RASGEF1A: variants seen among roughly 807,000 people sequenced by gnomAD.
RASGEF1A encodes RasGEF domain family member 1A.
Under a neutral mutation model 56.4 loss-of-function variants are expected in RASGEF1A, and 18 were observed. The ratio of observed to expected loss-of-function variants is 0.32; its 90% CI spans 0.22 to 0.47. The LOEUF (loss-of-function observed/expected upper bound fraction) is 0.47, where lower values mean the gene tolerates loss of function less well. RASGEF1A is among the 20% of genes least tolerant of loss of function. The probability of loss-of-function intolerance (pLI) is 1.00; values close to 1 mark genes in which losing one functional copy is unlikely to be tolerated. For missense variants in RASGEF1A, 422 were observed against 627.1 expected (o/e 0.67, Z 3.49); for synonymous variants, 245 against 242.6 (o/e 1.01, Z -0.09).
intron 4 of RASGEF1A, 36 bp from the exon 5 acceptor site, chr10:43,200,924 G>T (rs921013228): frequency 6.3e-7 from 1 of 1,588,890 alleles, no homozygotes; most frequent in Non-Finnish European, 8.6e-7. Context: ...GCCAGCATGG[G>T]CTGGCAGCAA....
chr10:43,248,720 TC>T, intron 1 of RASGEF1A, among the ~76,000 whole-genome samples: 1 of 152,358 alleles, frequency 6.6e-6, no homozygotes, highest in Admixed American at 6.5e-5. Context: ...TTTTTCTTAT[TC>T]ATTTTTCTTT....
intron 1 of RASGEF1A, among the ~76,000 whole-genome samples, chr10:43,214,497 G>C (rs1840108856): frequency 6.6e-6 from 1 of 152,156 alleles, no homozygotes; most frequent in Non-Finnish European, 1.5e-5. Context: ...CTCCCCAAAA[G>C]GGGCTATGGG....
chr10:43,264,665 C>T (rs72783255), intron 1 of RASGEF1A, among the ~76,000 whole-genome samples: 22,421 of 147,644 alleles, frequency 0.15, 1,774 homozygotes, highest in Admixed American at 0.2. Flanking sequence ...AGGGAGGGTC[C>T]GTCAAGGGGC....
intron 1 of RASGEF1A, among the ~76,000 whole-genome samples, chr10:43,221,801 G>A (rs967687868): frequency 3.9e-5 from 6 of 152,224 alleles, no homozygotes; most frequent in African/African-American, 1.2e-4. Context: ...CCACCTGCTG[G>A]GCCCTGTGAC....
intron 2 of RASGEF1A, 54 bp from the exon 3 acceptor site, chr10:43,203,474 G>A (rs1588929522): frequency 1.4e-6 from 2 of 1,468,230 alleles, no homozygotes; most frequent in East Asian, 5.2e-5. Context: ...GGCCCCCGGG[G>A]GCTCACCGCG....
At chr10:43,246,485 A>G (rs72783245) in intron 1 of RASGEF1A, among the ~76,000 whole-genome samples, 2,907 of 152,322 alleles carry the variant, frequency 0.019, 40 homozygotes, top group Middle Eastern at 0.044. Flanking sequence ...AAAGAAGTAC[A>G]AAGTTGGAGG....
At chr10:43,264,357 C>A (rs1441488139) in intron 1 of RASGEF1A, among the ~76,000 whole-genome samples, 1 of 151,160 alleles carries the variant, frequency 6.6e-6, no homozygotes, top group Non-Finnish European at 1.5e-5. Context: ...GCAGGTCAGG[C>A]TGACAGCCAT....
intron 2 of RASGEF1A, 46 bp downstream of exon 2, chr10:43,205,873 C>A: frequency 2.0e-6 from 3 of 1,491,508 alleles, no homozygotes; most frequent in Non-Finnish European, 2.8e-6. Context: ...CTCCTGGAGC[C>A]CAGGTCACCC....
intron 1 of RASGEF1A, among the ~76,000 whole-genome samples, chr10:43,259,363 GTGCAGCAGTCATCCACACT>G (rs1001836900): frequency 1.3e-4 from 20 of 152,304 alleles, no homozygotes; most frequent in African/African-American, 4.8e-4. Context: ...CCCCAGGGCT[GTGCAGCAGTCATCCACACT>G]TGCAGCCTTC....
intron 1 of RASGEF1A, among the ~76,000 whole-genome samples, chr10:43,226,504 G>A (rs918208374): frequency 6.6e-6 from 1 of 152,068 alleles, no homozygotes; most frequent in East Asian, 1.9e-4. Flanking sequence ...ATCCTCCTCC[G>A]AGATCCACGC....
chr10:43,265,846 G>A (rs1836613288), intron 1 of RASGEF1A, among the ~76,000 whole-genome samples: 2 of 152,230 alleles, frequency 1.3e-5, no homozygotes. Flanking sequence ...GGGGACAGAG[G>A]GAACCAAGGC....
intron 1 of RASGEF1A, among the ~76,000 whole-genome samples, chr10:43,259,246 G>C (rs113208819): frequency 2.6e-5 from 4 of 152,334 alleles, no homozygotes; most frequent in African/African-American, 9.6e-5. Flanking sequence ...GTTGCATTCT[G>C]AGCACCCCAG....
chr10:43,227,486 T>A (rs1840296261), intron 1 of RASGEF1A, among the ~76,000 whole-genome samples: 1 of 152,154 alleles, frequency 6.6e-6, no homozygotes, highest in Non-Finnish European at 1.5e-5. Flanking sequence ...AGAGTCCTCA[T>A]CCCACCTCTC....
intron 3 of RASGEF1A, 88 bp from the exon 4 acceptor site, chr10:43,202,033 G>A: frequency 7.1e-7 from 1 of 1,400,104 alleles, no homozygotes; most frequent in Non-Finnish European, 9.6e-7. Context: ...ACATCCCCAA[G>A]CCACACCCCA....
In RASGEF1A at chr10:43,196,155, G is replaced by T; in HGVS notation, c.*89C>A. ...TTATATACAAAATGGACCCCAACCA[G>T]TGAGGCCTCCTCATCTCAACCCACA... is the stretch of plus-strand genomic sequence containing the variant. On this transcript the variant is annotated 3_prime_UTR_variant, in exon 13 of 13. Transcript: ENST00000395810. The surrounding 1 kb of genome is among the most constrained non-coding windows in gnomAD (Gnocchi z 4.6). 2.4e-6 allele frequency: 3 copies of T among 1,248,208 alleles called. No homozygotes were observed. The highest frequency in any genetic ancestry group is 3.4e-6 in the Non-Finnish European group (3 of 871,366). The allele number at this position is 1,248,208 out of a possible 1,614,324, so 77.3% of individuals were successfully genotyped here. A position where few individuals can be genotyped will look rare whatever the true frequency, so the allele number is the denominator to read the frequency against.
At chr10:43,250,518 C>A (rs1164462814) in intron 1 of RASGEF1A, among the ~76,000 whole-genome samples, 1 of 152,248 alleles carries the variant, frequency 6.6e-6, no homozygotes, top group African/African-American at 2.4e-5. Context: ...GCTCCGCCCC[C>A]AGGCCGAGTG....
At chr10:43,262,503 G>C (rs115487844) in intron 1 of RASGEF1A, among the ~76,000 whole-genome samples, 1 of 152,176 alleles carries the variant, frequency 6.6e-6, no homozygotes, top group African/African-American at 2.4e-5. Context: ...GTGCAGCAAC[G>C]TGGCCCAGGC....
At chr10:43,235,819 G>A (rs1279658846) in intron 1 of RASGEF1A, among the ~76,000 whole-genome samples, 1 of 151,598 alleles carries the variant, frequency 6.6e-6, no homozygotes, top group Non-Finnish European at 1.5e-5. Flanking sequence ...CCAGCACAAT[G>A]GGACCCAACA....
At chr10:43,231,237 C>T (rs980118216) in intron 1 of RASGEF1A, among the ~76,000 whole-genome samples, 31 of 152,270 alleles carry the variant, frequency 2.0e-4, no homozygotes, top group African/African-American at 6.8e-4. Context: ...TCAGGATGGT[C>T]TGGGCCTGCA....
Sources: gnomAD v4.1 joint callset for allele counts (sites outside exome capture counted in the v4.1 genomes callset) on GRCh38, gnomAD v4.1.1 for gene constraint, Gnocchi (gnomAD v3.1) non-coding constraint, MANE v1.5 for transcripts, NCBI Gene and HGNC (gene_info 2026-07-23, HGNC 2026-07-21) for gene names.